Variants in NSG1 observed in about 807,000 individuals in gnomAD.
NSG1 encodes neuronal vesicle trafficking-associated protein 1.
In NSG1, 9 loss-of-function variants were observed where a neutral mutation model predicts 19.3. The observed-to-expected ratio is 0.47, with a 90% CI of 0.28 to 0.81. The LOEUF is 0.81. Among genes scored for constraint, NSG1 ranks in the 40% least tolerant of loss-of-function variants. The pLI is 0.11. For synonymous variants in NSG1, 104 were observed against 107.0 expected, an observed-to-expected ratio of 0.97 and a Z score of 0.17; for missense variants, 236 against 242.4, an observed-to-expected ratio of 0.97 and a Z score of 0.18.
chr4:4,388,525 C>T (rs1722850240), intron 2 of NSG1, among the ~76,000 whole-genome samples: 2 of 152,214 alleles, frequency 1.3e-5, no homozygotes, highest in African/African-American at 4.8e-5. Context: ...TAGATCTTTG[C>T]ATGTCTAGGC....
At chr4:4,393,691 G>A (rs559044889) in intron 3 of NSG1, among the ~76,000 whole-genome samples, 2 of 152,246 alleles carry the variant, frequency 1.3e-5, no homozygotes, top group South Asian at 2.1e-4. Flanking sequence ...GGGTGGCATC[G>A]GCCCCTTTAC....
intron 3 of NSG1, among the ~76,000 whole-genome samples, chr4:4,397,645 TGGCCCAGGTGG>T (rs1723324447): frequency 6.6e-6 from 1 of 152,214 alleles, no homozygotes; most frequent in Non-Finnish European, 1.5e-5. Flanking sequence ...ATGTAACTCC[TGGCCCAGGTGG>T]GGCCCTTCTG....
intron 3 of NSG1, among the ~76,000 whole-genome samples, chr4:4,391,801 A>T (rs372499479): frequency 1.3e-5 from 2 of 152,210 alleles, no homozygotes; most frequent in African/African-American, 4.8e-5. Flanking sequence ...TTCCAAAATG[A>T]TCACATATTA....
chr4:4,404,545 TTTTCAAA>T (rs1723749473), intron 3 of NSG1, among the ~76,000 whole-genome samples: 2 of 152,346 alleles, frequency 1.3e-5, no homozygotes, highest in South Asian at 4.1e-4. Flanking sequence ...CCATCAAGTA[TTTTCAAA>T]TTGGTTGAAC....
At chr4:4,399,795 G>T (rs1723452078) in intron 3 of NSG1, among the ~76,000 whole-genome samples, 1 of 152,178 alleles carries the variant, frequency 6.6e-6, no homozygotes, top group Non-Finnish European at 1.5e-5. Context: ...AGATCATCAG[G>T]CATTAGATCC....
rs537019819 is a variant in NSG1 at position 4,403,625 on chromosome 4, C to G, written c.247-5948C>G. ...TGACTTGATTGAATCAGCAAAGTCC[C>G]TTACCATATACATTTCCGGGAGTAG... On this transcript the variant is annotated intron_variant, in intron 3 of 4. Transcript: ENST00000621129. Among the ~76,000 whole-genome samples the G allele has an allele frequency of 3.3e-5, 5 of 152,300 alleles. No homozygotes were observed. The East Asian group carries it at 9.7e-4, about 29-fold the overall frequency.
At chr4:4,387,920 TCTGGATCGCGGGATG>T (rs1175784561) in intron 2 of NSG1, among the ~76,000 whole-genome samples, 162 bp downstream of exon 2, 1 of 152,136 alleles carries the variant, frequency 6.6e-6, no homozygotes, top group Non-Finnish European at 1.5e-5. Context: ...CGCGCGGGAT[TCTGGATCGCGGGATG>T]CTGGGCGGGG....
chr4:4,402,632 C>G (rs1723630175), intron 3 of NSG1, among the ~76,000 whole-genome samples: 1 of 152,156 alleles, frequency 6.6e-6, no homozygotes, highest in Non-Finnish European at 1.5e-5. Context: ...TCGTGATCCG[C>G]CCGCCTCGGC....
chr4:4,411,743 A>AAAAACAAAACAAAAC (rs56166051), intron 4 of NSG1, among the ~76,000 whole-genome samples: 56 of 140,432 alleles, frequency 4.0e-4, no homozygotes, highest in East Asian at 1.0e-3. Flanking sequence ...GACTCCGTCT[A>AAAAACAAAACAAAAC]AAAACAAAAC....
intron 3 of NSG1, among the ~76,000 whole-genome samples, chr4:4,398,809 G>A (rs1723402329): frequency 6.6e-6 from 1 of 152,216 alleles, no homozygotes; most frequent in African/African-American, 2.4e-5. Flanking sequence ...ATGCCCCGGA[G>A]TAGAATTGCT....
chr4:4,402,426 C>T (rs1236794399), intron 3 of NSG1, among the ~76,000 whole-genome samples: 19 of 111,560 alleles, frequency 1.7e-4, no homozygotes, highest in South Asian at 6.6e-4. Flanking sequence ...CTTGCTCTGT[C>T]GCCCAGGCTG....
At chr4:4,406,561 T>C (rs1723868643) in intron 3 of NSG1, among the ~76,000 whole-genome samples, 1 of 152,122 alleles carries the variant, frequency 6.6e-6, no homozygotes, top group East Asian at 1.9e-4. Context: ...ACGGGGCAGC[T>C]GGTTAGAGGG....
intron 3 of NSG1, among the ~76,000 whole-genome samples, chr4:4,402,463 C>T (rs967601797): frequency 1.4e-5 from 2 of 145,162 alleles, no homozygotes; most frequent in African/African-American, 5.1e-5. Context: ...TCTCGGCTCA[C>T]TGCAAGCTCC....
At chr4:4,414,942 C>T (rs963220890) in intron 4 of NSG1, among the ~76,000 whole-genome samples, 1 of 151,240 alleles carries the variant, frequency 6.6e-6, no homozygotes, top group Non-Finnish European at 1.5e-5. Flanking sequence ...AGGTTTCTAC[C>T]TCTGCCTTTA....
intron 4 of NSG1, among the ~76,000 whole-genome samples, chr4:4,415,045 C>T (rs1724445443): frequency 6.6e-6 from 1 of 152,108 alleles, no homozygotes; most frequent in African/African-American, 2.4e-5. Flanking sequence ...CATTTTTATA[C>T]TGGCTTTTCC....
chr4:4,391,630 C>G, intron 3 of NSG1, 39 bp downstream of exon 3: 1 of 1,402,100 alleles, frequency 7.1e-7, no homozygotes, highest in Non-Finnish European at 9.9e-7. Context: ...TGCTTTTGCC[C>G]CCAGAAGGGG....
At chr4:4,389,819 G>A (rs879777597) in intron 2 of NSG1, among the ~76,000 whole-genome samples, 1 of 152,158 alleles carries the variant, frequency 6.6e-6, no homozygotes, top group Non-Finnish European at 1.5e-5. Flanking sequence ...GCAGAGTCAG[G>A]GCTGGTCTCC....
At chr4:4,389,653 G>T (rs756782562) in intron 2 of NSG1, among the ~76,000 whole-genome samples, 4 of 152,154 alleles carry the variant, frequency 2.6e-5, no homozygotes, top group African/African-American at 9.7e-5. Context: ...TGTTGCTAAC[G>T]GTCAGAGTTC....
intron 3 of NSG1, among the ~76,000 whole-genome samples, chr4:4,400,576 T>C (rs1369678302): frequency 6.6e-6 from 1 of 152,242 alleles, no homozygotes; most frequent in African/African-American, 2.4e-5. Context: ...TTTTTCAATC[T>C]GTGAACACAG....
Sources: allele counts gnomAD v4.1 joint callset (sites outside exome capture counted in the v4.1 genomes callset), GRCh38; gene constraint gnomAD v4.1.1; transcripts MANE v1.5; gene names NCBI Gene and HGNC (gene_info 2026-07-23, HGNC 2026-07-21).